NMU: variants seen among roughly 807,000 people sequenced by gnomAD.
NMU encodes neuromedin U.
NMU carries 29 observed loss-of-function variants against 35.4 expected under a neutral mutation model. That is an observed-to-expected ratio of 0.82 (90% CI 0.61 to 1.12). The LOEUF is 1.12. Among genes scored for constraint, NMU ranks in the 50% most tolerant of loss-of-function variants. The probability of loss-of-function intolerance (pLI) is 0.00; values close to 1 mark genes in which losing one functional copy is unlikely to be tolerated. For synonymous variants in NMU, 78 were observed against 81.3 expected, an observed-to-expected ratio of 0.96 and a Z score of 0.22; for missense variants, 199 against 206.2, an observed-to-expected ratio of 0.97 and a Z score of 0.21.
intron 7 of NMU, among the ~76,000 whole-genome samples, chr4:55,603,926 A>ATAT (rs1392634941): frequency 9.2e-5 from 4 of 43,488 alleles, no homozygotes; most frequent in African/African-American, 4.2e-4. Context: ...AAAAAAAAAA[A>ATAT]ATATATATAT....
intron 2 of NMU, among the ~76,000 whole-genome samples, chr4:55,629,303 GT>G (rs1734666433): frequency 6.6e-6 from 1 of 151,148 alleles, no homozygotes; most frequent in African/African-American, 2.4e-5. Flanking sequence ...GTTTCACTAT[GT>G]TGTCCAGACT....
At chr4:55,595,639 A>ATT (rs1298417174) in intron 9 of NMU, among the ~76,000 whole-genome samples, 16 of 89,592 alleles carry the variant, frequency 1.8e-4, no homozygotes, top group African/African-American at 5.1e-4. Flanking sequence ...ATATATATAT[A>ATT]TATATTTTTT....
At chr4:55,636,451 C>A, upstream of NMU, 1 of 442,394 alleles carries the variant, frequency 2.3e-6, no homozygotes, top group Non-Finnish European at 3.9e-6. This position sits in a 1 kb window ranked among gnomAD's most constrained non-coding sequence, Gnocchi z 4.0. Flanking sequence ...TGCAGCAGGA[C>A]CCGAGCCCCC....
chr4:55,618,165 T>G (rs538587236), intron 2 of NMU, among the ~76,000 whole-genome samples: 12 of 152,194 alleles, frequency 7.9e-5, no homozygotes, highest in Non-Finnish European at 1.6e-4. Flanking sequence ...AGAAAGAATG[T>G]GTTTCTAGTG....
Position 55,636,113 on chromosome 4 carries a change from A to C in NMU, c.80T>G (p.Leu27Arg). The C allele has an allele frequency of 6.5e-7, 1 of 1,529,638 alleles. No individual in the cohort carries two copies. Among genetic ancestry groups the C allele is most frequent in the South Asian group, 1.2e-5 (1 of 83,732 alleles). The allele number at this position is 1,529,638 out of a possible 1,614,324, so 94.8% of individuals were successfully genotyped here. ...AAASPLLLLL[L>R]LLAWCAGACR... is the part of the protein sequence containing the mutation. The stretch of plus-strand genomic sequence containing the variant: ...GGCGCCCGCGCACCAGGCGAGCAGC[A>C]GCAGCAGCAGCAGGAGCGGGGACGC... The change falls in exon 1 of 10, where the codon CTG (leucine) becomes CGG (arginine). Residue 27 changes from leucine (L) to arginine (R), a missense_variant. Transcript: ENST00000264218. This position sits in a 1 kb window ranked among gnomAD's most constrained non-coding sequence, Gnocchi z 4.0.
At chr4:55,612,516 A>G (rs1164709271) in intron 3 of NMU, among the ~76,000 whole-genome samples, 1 of 152,222 alleles carries the variant, frequency 6.6e-6, no homozygotes, top group Admixed American at 6.5e-5. Flanking sequence ...CTCAAAGAAG[A>G]ATAAACACGT....
chr4:55,630,910 C>T (rs1427088692), intron 1 of NMU, among the ~76,000 whole-genome samples: 1 of 152,136 alleles, frequency 6.6e-6, no homozygotes, highest in Non-Finnish European at 1.5e-5. Context: ...GGAGGCATCA[C>T]ATTACTGGAC....
chr4:55,636,084 G>C lies in NMU; in HGVS notation c.109C>G (p.Arg37Gly), dbSNP rs764064707. ...LLLAWCAGAC[R>G]GAPILPQGLQ... is the part of the protein sequence containing the mutation. ...GCCGGGTGCGGGGCCGTCTTACCTCGGCAGGCGCCCGCGCACCAGGCGAGC... is the reference window on the plus strand; with the variant it reads ...GCCGGGTGCGGGGCCGTCTTACCTCCGCAGGCGCCCGCGCACCAGGCGAGC... The change falls in exon 1 of 10, where the codon CGA becomes GGA. Residue 37 changes from arginine (R) to glycine (G), a missense_variant. Transcript: ENST00000264218. The surrounding 1 kb of genome is among the most constrained non-coding windows in gnomAD (Gnocchi z 4.0). The C allele has an allele frequency of 5.2e-6, 8 of 1,531,210 alleles. No individual in the cohort carries two copies. The South Asian group carries it at 7.2e-5, about 14-fold the overall frequency. The allele number at this position is 1,531,210 out of a possible 1,614,324, so 94.9% of individuals were successfully genotyped here.
chr4:55,631,913 T>G (rs1734769294), intron 1 of NMU, among the ~76,000 whole-genome samples: 1 of 152,242 alleles, frequency 6.6e-6, no homozygotes, highest in Non-Finnish European at 1.5e-5. Flanking sequence ...GGAAACAACC[T>G]AAGTGCCTAT....
At chr4:55,615,253 G>A (rs1303031901) in intron 3 of NMU, among the ~76,000 whole-genome samples, 1 of 152,240 alleles carries the variant, frequency 6.6e-6, no homozygotes, top group African/African-American at 2.4e-5. Flanking sequence ...TTGAAGAGGA[G>A]TGAGCTGTCT....
chr4:55,596,771 G>A (rs567286493), intron 9 of NMU, among the ~76,000 whole-genome samples: 1 of 152,050 alleles, frequency 6.6e-6, no homozygotes, highest in East Asian at 1.9e-4. Context: ...TTTTCTAATT[G>A]AATTGGCTAA....
chr4:55,617,668 AT>A (rs1454349705), intron 2 of NMU, among the ~76,000 whole-genome samples: 1 of 152,304 alleles, frequency 6.6e-6, no homozygotes, highest in Admixed American at 6.5e-5. Flanking sequence ...AAAGATAACC[AT>A]TTTAAAGCTC....
rs557682403 is a variant in NMU at position 55,604,594 on chromosome 4, A to G, written c.435+681T>C. 4.1e-4 allele frequency among the ~76,000 whole-genome samples: 61 copies of G among 147,426 alleles called. No individual in the cohort carries two copies. In the South Asian group the frequency reaches 0.013, roughly 30 times the overall value. ...GTCACCCAAGCTGGAGTGCAGTGCA[A>G]CCTCTGCCTCCTGGGTTCAAGCGAT... is the stretch of plus-strand genomic sequence containing the variant. On this transcript the variant is annotated intron_variant, in intron 7 of 9. Transcript: ENST00000264218.
At chr4:55,610,037 A>G (rs1278832847) in intron 3 of NMU, among the ~76,000 whole-genome samples, 1 of 152,170 alleles carries the variant, frequency 6.6e-6, no homozygotes, top group Non-Finnish European at 1.5e-5. Flanking sequence ...CTGGTTACCT[A>G]ACCTCTCTTA....
intron 2 of NMU, among the ~76,000 whole-genome samples, chr4:55,619,398 G>A: frequency 8.0e-6 from 1 of 124,352 alleles, no homozygotes. Context: ...CAAAGAAAGG[G>A]GTGACGGACG....
At chr4:55,602,076 T>C (rs1343652243) in intron 7 of NMU, among the ~76,000 whole-genome samples, 1 of 152,120 alleles carries the variant, frequency 6.6e-6, no homozygotes, top group Admixed American at 6.6e-5. Context: ...CCAGACAAAA[T>C]GTAAATTTAA....
At chr4:55,595,702 G>A (rs1432680322) in intron 9 of NMU, among the ~76,000 whole-genome samples, 5 of 147,214 alleles carry the variant, frequency 3.4e-5, no homozygotes, top group African/African-American at 7.5e-5. Context: ...GTGCAGTGGC[G>A]CGATCTTGGC....
In NMU at chr4:55,599,162, G is replaced by T; in HGVS notation, c.509C>A (p.Ser170Ter). 1 of 1,606,174 alleles carries T rather than the reference G, an allele frequency of 6.2e-7. No homozygotes were observed. The highest frequency in any genetic ancestry group is 1.1e-5 in the South Asian group (1 of 90,856). Residue 170 changes from serine (S) to a stop codon, truncating the protein, a stop_gained, in exon 9 of 10, where the codon TCA (serine) becomes TAA (stop). Coordinates refer to ENST00000264218, the MANE Select transcript of NMU (RefSeq NM_006681.4). LOFTEE classifies it high-confidence loss of function. ...FLFRPRNGRR[S>*]AGFI ...CATACCATTTTAAATGAACCCTGCT[G>T]ACCTTCTTCCATTCCGTGGCTGAAA...
chr4:55,615,669 A>C (rs1281729230), intron 3 of NMU, among the ~76,000 whole-genome samples: 1 of 152,190 alleles, frequency 6.6e-6, no homozygotes, highest in Admixed American at 6.5e-5. Flanking sequence ...TCAGGAGTAC[A>C]TGTGCAAGAT....
Sources: gnomAD v4.1 joint callset for allele counts (sites outside exome capture counted in the v4.1 genomes callset) on GRCh38, gnomAD v4.1.1 for gene constraint, Gnocchi (gnomAD v3.1) non-coding constraint, MANE v1.5 for transcripts, NCBI Gene and HGNC (gene_info 2026-07-23, HGNC 2026-07-21) for gene names.